The following GART variants were observed in gnomAD, a reference collection of about 807,000 sequenced individuals.
GART encodes phosphoribosylglycinamide formyltransferase, phosphoribosylglycinamide synthetase, phosphoribosylaminoimidazole synthetase, also known as trifunctional purine biosynthetic protein adenosine-3.
In GART, 43 loss-of-function variants were observed where a neutral mutation model predicts 107.2. The observed-to-expected ratio is 0.40, with a 90% confidence interval of 0.31 to 0.52. The LOEUF (loss-of-function observed/expected upper bound fraction) is 0.52, where lower values mean the gene tolerates loss of function less well. Ranked by LOEUF, GART falls within the 20% of genes least tolerant of loss-of-function variation. The pLI, the probability that GART is intolerant of heterozygous loss-of-function variation, is 0.52. For synonymous variants in GART, 434 were observed against 427.0 expected (o/e 1.02, Z -0.20); for missense variants, 1,107 against 1,206.5 (o/e 0.92, Z 1.22).
Position 33,517,406 on chromosome 21 carries a change from G to A in GART, c.1905C>T (p.Ser635=), listed in dbSNP as rs1470986077. The A allele has an allele frequency of 1.7e-5, 27 of 1,613,990 alleles. No homozygotes were observed. Among genetic ancestry groups the A allele is most frequent in the African/African-American group, 4.0e-5 (3 of 74,900 alleles). ...SLVRKIVAKS[S]LQYSSPAPDG... ...CAGGTGCTGGAGAGGAGTACTGGAG[G>A]GAAGATTTTGCCACGATTTTCCTCA... Residue 635 remains serine, a synonymous_variant, in exon 15 of 22, where the codon TCC becomes TCT. Coordinates refer to ENST00000381815, the MANE Select transcript of GART (RefSeq NM_000819.5).
Position 33,504,054 on chromosome 21 carries a change from T to C in GART, c.*70A>G. ...CAGTTTTTCTTTTGGGCCAAGTCCATGATAAAAAACCACCATGCAAACAGC... is the reference window on the plus strand; with the variant it reads ...CAGTTTTTCTTTTGGGCCAAGTCCACGATAAAAAACCACCATGCAAACAGC... On this transcript the variant is annotated 3_prime_UTR_variant, in exon 22 of 22. Transcript: ENST00000381815. 4 of 1,417,794 alleles carry C rather than the reference T, an allele frequency of 2.8e-6. No homozygotes were observed. The highest frequency in any genetic ancestry group is 3.8e-6 in the Non-Finnish European group (4 of 1,049,192). 87.8% of individuals were successfully genotyped at this position (1,417,794 alleles called of 1,614,324 possible).
chr21:33,536,507 G>A (rs914312173), intron 2 of GART, among the ~76,000 whole-genome samples: 4 of 152,188 alleles, frequency 2.6e-5, no homozygotes, highest in Non-Finnish European at 5.9e-5. Flanking sequence ...CACATTCTAA[G>A]ATCCCTAGTG....
chr21:33,539,826 A>G (rs539496406), intron 1 of GART, among the ~76,000 whole-genome samples: 2 of 152,326 alleles, frequency 1.3e-5, no homozygotes, highest in African/African-American at 4.8e-5. Flanking sequence ...TGTCGTCATA[A>G]GCATAAGGGA....
At chr21:33,538,942 G>A (rs989707120) in intron 2 of GART, among the ~76,000 whole-genome samples, 3 of 152,016 alleles carry the variant, frequency 2.0e-5, no homozygotes, top group African/African-American at 4.8e-5. Context: ...CACCACGCCC[G>A]GCTAATTTTT....
chr21:33,530,463 T>C (rs892885346), intron 7 of GART, among the ~76,000 whole-genome samples: 1 of 152,050 alleles, frequency 6.6e-6, no homozygotes, highest in African/African-American at 2.4e-5. Context: ...CAAAGATGAA[T>C]CCAAGACCAC....
At chr21:33,522,835 C>T (rs2084997562) in intron 11 of GART, among the ~76,000 whole-genome samples, 1 of 152,176 alleles carries the variant, frequency 6.6e-6, no homozygotes, top group South Asian at 2.1e-4. Flanking sequence ...GATATACTGA[C>T]ATTTTGCTGC....
chr21:33,530,709 C>T lies in GART; in HGVS notation c.723+50G>A. On this transcript the variant is annotated intron_variant, in intron 7 of 21. Coordinates refer to ENST00000381815, the MANE Select transcript of GART (RefSeq NM_000819.5). ...ATAGAAAGTATCATCTAAGAGTTCTCTGAGAAAACCAAACTACTACAAGAC... is the reference window on the plus strand; with the variant it reads ...ATAGAAAGTATCATCTAAGAGTTCTTTGAGAAAACCAAACTACTACAAGAC... 5 of 1,351,518 alleles carry T rather than the reference C, an allele frequency of 3.7e-6. No homozygotes were observed. In the African/African-American group the frequency reaches 6.0e-5, roughly 16 times the overall value. 83.7% of individuals were successfully genotyped at this position (1,351,518 alleles called of 1,614,324 possible).
At chr21:33,529,041 T>A (rs2145738110) in intron 7 of GART, 104 bp from the exon 8 acceptor site, 1 of 681,908 alleles carries the variant, frequency 1.5e-6, no homozygotes, top group East Asian at 2.8e-5. Flanking sequence ...CTCATTTTTT[T>A]ACTACCTGAA....
intron 16 of GART, among the ~76,000 whole-genome samples, chr21:33,514,959 A>C (rs547838261): frequency 6.6e-6 from 1 of 152,324 alleles, no homozygotes; most frequent in South Asian, 2.1e-4. Flanking sequence ...GGGTTAGCTC[A>C]CCATATCTAC....
chr21:33,504,536 T>TA lies in GART; in HGVS notation c.2726-10dup, dbSNP rs763519289. The stretch of plus-strand genomic sequence containing the variant: ...GATATTGAGCATTTTTCCTAAAAAT[T>TA]AAAAAAAGCATAGTGGTCAGAATTT... On this transcript the variant is annotated splice_polypyrimidine_tract_variant and intron_variant, in intron 20 of 21. Coordinates refer to ENST00000381815, the MANE Select transcript of GART (RefSeq NM_000819.5). The TA allele has an allele frequency of 3.7e-5, 59 of 1,580,384 alleles. No individual in the cohort carries two copies. Among genetic ancestry groups the TA allele is most frequent in the Non-Finnish European group, 4.9e-5 (56 of 1,152,638 alleles).
At chr21:33,535,438 T>C (rs1170574000) in intron 2 of GART, 118 bp from the exon 3 acceptor site, 11 of 578,524 alleles carry the variant, frequency 1.9e-5, no homozygotes, top group Non-Finnish European at 2.9e-5. Flanking sequence ...TGTTATCTGT[T>C]GGTTTTCTTA....
chr21:33,524,477 G>C, intron 11 of GART: 2 of 739,556 alleles, frequency 2.7e-6, no homozygotes, highest in Non-Finnish European at 3.3e-6. Flanking sequence ...GGGCGAGAGA[G>C]GAAGACCCTG....
At chr21:33,529,587 G>A (rs1036526616) in intron 7 of GART, 1 of 152,078 alleles carries the variant, frequency 6.6e-6, no homozygotes, top group Non-Finnish European at 1.5e-5. Context: ...CAAGTAGCTG[G>A]GACTGGGACT....
At chr21:33,514,197 C>CAATA (rs1161659532) in intron 16 of GART, among the ~76,000 whole-genome samples, 7 of 152,092 alleles carry the variant, frequency 4.6e-5, no homozygotes, top group African/African-American at 1.4e-4. Flanking sequence ...GAACCCAGGA[C>CAATA]GTTGGGGCAA....
intron 18 of GART, among the ~76,000 whole-genome samples, chr21:33,506,484 A>G (rs1329345197): frequency 6.6e-6 from 1 of 152,180 alleles, no homozygotes; most frequent in East Asian, 1.9e-4. Flanking sequence ...TGAATAGGGG[A>G]CAGTCAAATT....
intron 16 of GART, among the ~76,000 whole-genome samples, chr21:33,512,254 A>T (rs1310177524): frequency 7.3e-6 from 1 of 137,280 alleles, no homozygotes; most frequent in Non-Finnish European, 1.6e-5. Context: ...ACTGCACTCT[A>T]GCCTGGTGGA....
intron 16 of GART, among the ~76,000 whole-genome samples, chr21:33,513,294 G>C (rs1034385667): frequency 6.6e-6 from 1 of 152,078 alleles, no homozygotes; most frequent in South Asian, 2.1e-4. Context: ...AAAATGAGGC[G>C]GGTGCAGTGG....
In GART at chr21:33,531,570, T is replaced by A. The variant is rs747948788; in HGVS notation, c.529-13A>T. The A allele has an allele frequency of 6.3e-4, 116 of 185,250 alleles. No homozygotes were observed. In the South Asian group the frequency reaches 8.9e-3, roughly 14 times the overall value. 11.5% of individuals were successfully genotyped at this position (185,250 alleles called of 1,614,324 possible). ...CAAAGGCTTTCTCCTGATTGTAAGA[T>A]TTTTTTTTTTTTTTTTTTTAAAAAA... On this transcript the variant is annotated splice_polypyrimidine_tract_variant and intron_variant, in intron 5 of 21. Coordinates refer to ENST00000381815, the MANE Select transcript of GART (RefSeq NM_000819.5).
Position 33,524,887 on chromosome 21 carries a change from C to T in GART, c.1180G>A (p.Glu394Lys), listed in dbSNP as rs142020936. ...TCCTCAAGGGCTGATATGAGATTTT[C>T]CCGGATGGCTGTGACTGCAAGAACT... Reference protein sequence around the residue: ...GRVLAVTAIRENLISALEEAK... With the variant: ...GRVLAVTAIRKNLISALEEAK... Residue 394 changes from glutamate (E) to lysine (K), a missense_variant, in exon 11 of 22, where the codon GAA becomes AAA. Physicochemically the swap from Glu to Lys is moderately conservative, Grantham distance 56. Transcript: ENST00000381815. The T allele has an allele frequency of 2.5e-5, 41 of 1,614,070 alleles. No individual in the cohort carries two copies. In the African/African-American group the frequency reaches 4.5e-4, roughly 18 times the overall value.
Sources: gnomAD v4.1 joint callset for allele counts (sites outside exome capture counted in the v4.1 genomes callset) on GRCh38, gnomAD v4.1.1 for gene constraint, MANE v1.5 for transcripts, NCBI Gene and HGNC (gene_info 2026-07-23, HGNC 2026-07-21) for gene names.